RAB31: variants seen among roughly 807,000 people sequenced by gnomAD.
The protein encoded by RAB31 is ras-related protein Rab-31.
Under a neutral mutation model 25.6 loss-of-function variants are expected in RAB31, and 21 were observed. The ratio of observed to expected loss-of-function variants is 0.82; its 90% confidence interval spans 0.58 to 1.18. The LOEUF (loss-of-function observed/expected upper bound fraction) is 1.18, where lower values mean the gene tolerates loss of function less well. Among genes scored for constraint, RAB31 ranks in the 50% most tolerant of loss-of-function variants. The pLI, the probability that RAB31 is intolerant of heterozygous loss-of-function variation, is 0.00. For synonymous variants in RAB31, 87 were observed against 84.0 expected, an observed-to-expected ratio of 1.04 and a Z score of -0.20; for missense variants, 196 against 250.1, an observed-to-expected ratio of 0.78 and a Z score of 1.46.
intron 3 of RAB31, among the ~76,000 whole-genome samples, chr18:9,792,877 C>T (rs2068468375): frequency 6.6e-6 from 1 of 152,188 alleles, no homozygotes; most frequent in Admixed American, 6.5e-5. Context: ...TCTGAGGTCT[C>T]TTACTGGAAA....
intron 6 of RAB31, among the ~76,000 whole-genome samples, chr18:9,852,497 C>T (rs1483810596): frequency 6.6e-6 from 1 of 151,978 alleles, no homozygotes; most frequent in African/African-American, 2.4e-5. Flanking sequence ...CTTTCCATTC[C>T]ATCTTTCTTT....
chr18:9,730,086 G>C (rs184485601), intron 1 of RAB31, among the ~76,000 whole-genome samples: 59 of 152,276 alleles, frequency 3.9e-4, no homozygotes, highest in African/African-American at 1.3e-3. Flanking sequence ...GAGCCATTCA[G>C]ATACAACGAA....
At chr18:9,847,733 C>T (rs1353554563) in intron 6 of RAB31, among the ~76,000 whole-genome samples, 1 of 152,080 alleles carries the variant, frequency 6.6e-6, no homozygotes, top group Non-Finnish European at 1.5e-5. Context: ...CCACCACACT[C>T]AGCTAAATTT....
At chr18:9,754,402 C>A (rs552203873) in intron 1 of RAB31, among the ~76,000 whole-genome samples, 2 of 152,130 alleles carry the variant, frequency 1.3e-5, no homozygotes, top group African/African-American at 4.8e-5. Flanking sequence ...GCCTCAGCCT[C>A]CTGAGTAGCT....
chr18:9,846,058 C>G (rs1439882780), intron 6 of RAB31, among the ~76,000 whole-genome samples: 1 of 152,202 alleles, frequency 6.6e-6, no homozygotes, highest in Non-Finnish European at 1.5e-5. Context: ...TGGGATGACT[C>G]TAGGTAAACT....
intron 5 of RAB31, among the ~76,000 whole-genome samples, chr18:9,819,043 T>C (rs1352505478): frequency 6.6e-6 from 1 of 152,204 alleles, no homozygotes; most frequent in Non-Finnish European, 1.5e-5. Context: ...TTATCAAACA[T>C]GTAATTCGCA....
chr18:9,717,248 T>C (rs761692457), intron 1 of RAB31, among the ~76,000 whole-genome samples: 4 of 152,112 alleles, frequency 2.6e-5, no homozygotes, highest in Non-Finnish European at 5.9e-5. Flanking sequence ...CACTGTGGGA[T>C]CTTTTGATGA....
At chr18:9,838,356 G>T (rs553020254) in intron 5 of RAB31, among the ~76,000 whole-genome samples, 1 of 152,258 alleles carries the variant, frequency 6.6e-6, no homozygotes, top group East Asian at 1.9e-4. Context: ...TAGTCAAGAC[G>T]CCTGAGTGTA....
intron 1 of RAB31, among the ~76,000 whole-genome samples, chr18:9,748,083 A>G (rs2068214568): frequency 6.6e-6 from 1 of 152,228 alleles, no homozygotes; most frequent in African/African-American, 2.4e-5. Context: ...ATTAACTCTG[A>G]TTAATTACAA....
chr18:9,823,304 G>A (rs2068632831), intron 5 of RAB31, among the ~76,000 whole-genome samples: 1 of 152,114 alleles, frequency 6.6e-6, no homozygotes, highest in Non-Finnish European at 1.5e-5. Context: ...CAACATAAGG[G>A]ACCCTGTGGT....
At chr18:9,789,508 A>G (rs1180568837) in intron 2 of RAB31, among the ~76,000 whole-genome samples, 2 of 152,228 alleles carry the variant, frequency 1.3e-5, no homozygotes, top group South Asian at 2.1e-4. Flanking sequence ...AAGATGCATA[A>G]TTATTGTGTA....
At chr18:9,758,699 A>G (rs1008791866) in intron 1 of RAB31, among the ~76,000 whole-genome samples, 1 of 152,076 alleles carries the variant, frequency 6.6e-6, no homozygotes. Context: ...AGCAATAGCC[A>G]TGTGCTTCCC....
At chr18:9,723,586 A>G (rs2068082856) in intron 1 of RAB31, 1 of 152,144 alleles carries the variant, frequency 6.6e-6, no homozygotes, top group South Asian at 2.1e-4. Flanking sequence ...ATATATAAAG[A>G]AATTGGCTCA....
intron 1 of RAB31, among the ~76,000 whole-genome samples, chr18:9,718,747 G>A (rs2068056711): frequency 6.6e-6 from 1 of 152,126 alleles, no homozygotes; most frequent in Non-Finnish European, 1.5e-5. Context: ...AGGTTCTGGT[G>A]AGGGCTCTCT....
In RAB31 at chr18:9,743,855, G is replaced by T. The variant is rs75433330; in HGVS notation, c.40-31423G>T. Among the ~76,000 whole-genome samples the T allele has an allele frequency of 7.6e-3, 1,156 of 152,276 alleles. 6 individuals are homozygous for T. The highest frequency in any genetic ancestry group is 0.02 in the Middle Eastern group (6 of 294). On this transcript the variant is annotated intron_variant, in intron 1 of 6. Transcript: ENST00000578921. ...CAGTTTGCAGACAGATCTAACTGTG[G>T]ACTCCCGGGTGCGGTCTGTGCCTGT... is the stretch of plus-strand genomic sequence containing the variant.
At chr18:9,786,578 G>A (rs550629178) in intron 2 of RAB31, among the ~76,000 whole-genome samples, 20 of 152,348 alleles carry the variant, frequency 1.3e-4, no homozygotes, top group African/African-American at 4.3e-4. Context: ...CAGGGAGAGA[G>A]TGTCAGAATT....
intron 4 of RAB31, 62 bp from the exon 5 acceptor site, chr18:9,815,054 T>C: frequency 1.7e-6 from 2 of 1,195,084 alleles, no homozygotes; most frequent in Non-Finnish European, 2.4e-6. Flanking sequence ...CTTGTATTTC[T>C]GCTTAGTTGA....
chr18:9,803,121 G>A (rs529839155), intron 3 of RAB31, among the ~76,000 whole-genome samples: 2 of 152,266 alleles, frequency 1.3e-5, no homozygotes, highest in South Asian at 4.1e-4. Flanking sequence ...ACCAGCCCAC[G>A]ATAGAACGTT....
intron 1 of RAB31, among the ~76,000 whole-genome samples, chr18:9,768,764 C>G (rs2068329341): frequency 2.0e-5 from 3 of 152,288 alleles, no homozygotes; most frequent in African/African-American, 7.2e-5. Context: ...GTCATGAAGT[C>G]TTTGCCCATG....
Sources: allele counts gnomAD v4.1 joint callset (sites outside exome capture counted in the v4.1 genomes callset), GRCh38; gene constraint gnomAD v4.1.1; transcripts MANE v1.5; gene names NCBI Gene and HGNC (gene_info 2026-07-23, HGNC 2026-07-21).